The following FGF2 variants were observed in gnomAD, a reference collection of about 807,000 sequenced individuals.
FGF2 encodes fibroblast growth factor 2, also known as basic fibroblast growth factor bFGF.
In FGF2, 13 loss-of-function variants were observed where a neutral mutation model predicts 15.9. The observed-to-expected ratio is 0.82, with a 90% CI of 0.53 to 1.30. The LOEUF (loss-of-function observed/expected upper bound fraction) is 1.30, where lower values mean the gene tolerates loss of function less well. Among genes scored for constraint, FGF2 ranks in the 50% most tolerant of loss-of-function variants. FGF2 has a pLI of 0.00. For synonymous variants in FGF2, 90 were observed against 78.4 expected (o/e 1.15, Z -0.78); for missense variants, 163 against 196.9 (o/e 0.83, Z 1.03).
rs1464779960 is a variant in FGF2 at position 122,892,550 on chromosome 4, C to G, written c.*154C>G. 4 of 1,467,006 alleles carry G rather than the reference C, an allele frequency of 2.7e-6. No homozygotes were observed. The highest frequency in any genetic ancestry group is 1.4e-5 in the South Asian group (1 of 69,490). 90.9% of individuals were successfully genotyped at this position (1,467,006 alleles called of 1,614,324 possible). On this transcript the variant is annotated 3_prime_UTR_variant, in exon 3 of 3. Transcript: ENST00000644866. Reference sequence around the variant, plus strand: ...CAGTAGTAAAATATGTAACCATTGTCCCAGTAAAGAAAAATAACAAAAGTT... The same window carrying G: ...CAGTAGTAAAATATGTAACCATTGTGCCAGTAAAGAAAAATAACAAAAGTT...
At chr4:122,866,259 T>TCGGGAGGCTGAGGCAGGAGAA (rs1553948969) in intron 1 of FGF2, among the ~76,000 whole-genome samples, 1 of 151,862 alleles carries the variant, frequency 6.6e-6, no homozygotes, top group Non-Finnish European at 1.5e-5. Context: ...TCCCAACTAC[T>TCGGGAGGCTGAGGCAGGAGAA]CGGGAGGCTG....
chr4:122,891,907 T>G (rs927792433), intron 2 of FGF2, among the ~76,000 whole-genome samples: 1 of 152,206 alleles, frequency 6.6e-6, no homozygotes, highest in Non-Finnish European at 1.5e-5. Context: ...GGTATGTCCC[T>G]CCTTGTGTTT....
At chr4:122,830,221 C>G (rs1725733104) in intron 1 of FGF2, among the ~76,000 whole-genome samples, 2 of 152,136 alleles carry the variant, frequency 1.3e-5, no homozygotes, top group Non-Finnish European at 2.9e-5. Flanking sequence ...TCCCCAAAAG[C>G]TGGCCAGAAG....
rs559077992 is a variant in FGF2 at position 122,861,280 on chromosome 4, C to A, written c.179-15041C>A. Among the ~76,000 whole-genome samples the A allele has an allele frequency of 9.9e-5, 15 of 152,276 alleles. No homozygotes were observed. The East Asian group carries it at 2.9e-3, about 29-fold the overall frequency. ...TTCTAATAGATTCCTTTTTTGAACT[C>A]TGGATTCATATAGCTGACTGCTTTC... On this transcript the variant is annotated intron_variant, in intron 1 of 2. Transcript: ENST00000644866.
chr4:122,861,331 C>T (rs557384490), intron 1 of FGF2, among the ~76,000 whole-genome samples: 1 of 152,330 alleles, frequency 6.6e-6, no homozygotes, highest in East Asian at 1.9e-4. Context: ...GAATTTTCCA[C>T]AGGCATTGCA....
intron 2 of FGF2, among the ~76,000 whole-genome samples, chr4:122,887,232 T>A (rs1426736678): frequency 1.3e-5 from 2 of 152,192 alleles, no homozygotes; most frequent in Non-Finnish European, 2.9e-5. Context: ...GAGAATCACT[T>A]CAACCTGGGA....
intron 1 of FGF2, among the ~76,000 whole-genome samples, chr4:122,843,738 A>T (rs1484523667): frequency 6.6e-6 from 1 of 152,228 alleles, no homozygotes; most frequent in African/African-American, 2.4e-5. Context: ...TTCCTAATGC[A>T]TATGAAAGCT....
chr4:122,847,137 GC>G (rs1386467331), intron 1 of FGF2, among the ~76,000 whole-genome samples: 69 of 152,328 alleles, frequency 4.5e-4, no homozygotes, highest in African/African-American at 1.6e-3. Context: ...GTATTTGAAA[GC>G]AGTACATTAT....
chr4:122,889,168 A>G (rs943308717), intron 2 of FGF2, among the ~76,000 whole-genome samples: 1 of 152,222 alleles, frequency 6.6e-6, no homozygotes, highest in Non-Finnish European at 1.5e-5. Context: ...TCATTTGTTA[A>G]TGAGTATAAT....
chr4:122,843,202 T>G (rs767989711), intron 1 of FGF2, among the ~76,000 whole-genome samples: 9 of 152,184 alleles, frequency 5.9e-5, no homozygotes, highest in Non-Finnish European at 1.2e-4. Flanking sequence ...CATAAAAGGC[T>G]TCAAACAGGA....
intron 2 of FGF2, among the ~76,000 whole-genome samples, chr4:122,891,424 CTT>C (rs57602061): frequency 1.2e-4 from 16 of 135,192 alleles, no homozygotes; most frequent in Admixed American, 1.5e-4. Context: ...GCCAGCTATC[CTT>C]TTTTTTTTTT....
chr4:122,878,775 A>G (rs1726906960), intron 2 of FGF2, among the ~76,000 whole-genome samples: 1 of 152,178 alleles, frequency 6.6e-6, no homozygotes, highest in Non-Finnish European at 1.5e-5. Flanking sequence ...GAGTGAGGAA[A>G]GTGCTAGCAC....
At chr4:122,888,492 C>G (rs1727103485) in intron 2 of FGF2, among the ~76,000 whole-genome samples, 1 of 152,138 alleles carries the variant, frequency 6.6e-6, no homozygotes, top group Non-Finnish European at 1.5e-5. Flanking sequence ...TTTACAATAG[C>G]CTACAAAACT....
At chr4:122,846,525 G>A (rs1188585552) in intron 1 of FGF2, among the ~76,000 whole-genome samples, 1 of 152,116 alleles carries the variant, frequency 6.6e-6, no homozygotes, top group African/African-American at 2.4e-5. Context: ...GAATAATGCT[G>A]AAAATATTAG....
intron 2 of FGF2, chr4:122,888,898 T>G (rs1240009250): frequency 6.6e-6 from 1 of 152,188 alleles, no homozygotes; most frequent in African/African-American, 2.4e-5. Flanking sequence ...CAGCTAGAAT[T>G]TGAGTGGCAT....
intron 1 of FGF2, among the ~76,000 whole-genome samples, chr4:122,830,591 C>G (rs1173667991): frequency 1.3e-5 from 2 of 152,164 alleles, no homozygotes; most frequent in East Asian, 3.9e-4. Flanking sequence ...GCGCTGCACT[C>G]CTGCCTTTCT....
chr4:122,888,833 C>G (rs900508343), intron 2 of FGF2: 2 of 152,128 alleles, frequency 1.3e-5, no homozygotes, highest in South Asian at 2.1e-4. Context: ...TTCTTATATT[C>G]TAACATAGAA....
At chr4:122,847,908 A>G (rs1229399376) in intron 1 of FGF2, among the ~76,000 whole-genome samples, 1 of 152,238 alleles carries the variant, frequency 6.6e-6, no homozygotes, top group Non-Finnish European at 1.5e-5. Context: ...CTCTACTCAA[A>G]GTCCACTGAT....
intron 1 of FGF2, among the ~76,000 whole-genome samples, chr4:122,868,398 G>C (rs1266092055): frequency 6.6e-6 from 1 of 152,126 alleles, no homozygotes; most frequent in Non-Finnish European, 1.5e-5. Flanking sequence ...GTGTTAGTTT[G>C]CTGAGGGTGA....
Sources: gnomAD v4.1 joint callset for allele counts (sites outside exome capture counted in the v4.1 genomes callset) on GRCh38, gnomAD v4.1.1 for gene constraint, MANE v1.5 for transcripts, NCBI Gene and HGNC (gene_info 2026-07-23, HGNC 2026-07-21) for gene names.